Variants in TTN observed in about 807,000 individuals in gnomAD.
TTN encodes the protein titin.
A neutral mutation model predicts 3,223.0 loss-of-function variants in TTN; 1,525 were observed. The observed-to-expected ratio is 0.47, with a 90% CI of 0.45 to 0.49. The LOEUF (loss-of-function observed/expected upper bound fraction) is 0.49, where lower values mean the gene tolerates loss of function less well. Among genes scored for constraint, TTN ranks in the 20% least tolerant of loss-of-function variants. The probability of loss-of-function intolerance (pLI) is 0.00; values close to 1 mark genes in which losing one functional copy is unlikely to be tolerated. For missense variants in TTN, 40,786 were observed against 43,424.0 expected (o/e 0.94, Z 5.40); for synonymous variants, 14,094 against 15,161.0 (o/e 0.93, Z 5.17).
At position 178,601,729 on chromosome 2, in the gene TTN, G is replaced by A. The variant is rs1171368715; in HGVS notation, c.55361C>T (p.Thr18454Ile). Residue 18454 changes from threonine (T) to isoleucine (I), a missense_variant, in exon 286 of 363, where the codon ACA becomes ATA. By Grantham distance (89) the Thr-to-Ile change is moderately conservative. Transcript: ENST00000589042. ...IIIPECKRSHTGKYSITAKNK... is the reference protein window; with the variant it reads ...IIIPECKRSHIGKYSITAKNK... ...CTTGGCTGTGATGCTGTATTTGCCT[G>A]TATGAGATCGTTTACACTCCGGAAT... 1.9e-5 allele frequency: 31 copies of A among 1,609,756 alleles called. No homozygotes were observed. Among genetic ancestry groups the A allele is most frequent in the Non-Finnish European group, 2.5e-5 (30 of 1,178,622 alleles).
chr2:178,683,180 C>A, intron 134 of TTN, 31 bp downstream of exon 134: 2 of 1,417,278 alleles, frequency 1.4e-6, no homozygotes, highest in Middle Eastern at 1.7e-4. Flanking sequence ...TAGTTTCATG[C>A]CTCACATTAC....
Position 178,570,504 on chromosome 2 carries a change from C to A in TTN, c.75628G>T (p.Gly25210Ter). 1 of 1,613,306 alleles carries A rather than the reference C, an allele frequency of 6.2e-7. No homozygotes were observed. The highest frequency in any genetic ancestry group is 8.5e-7 in the Non-Finnish European group (1 of 1,179,594). ...KVLDRPGPPE[G>*]PVVISGVTAE... ...GTAACTCCTGAGATAACAACAGGTCCTTCAGGTGGCCCTGGTCTGTCAAGA... is the reference window on the plus strand; with the variant it reads ...GTAACTCCTGAGATAACAACAGGTCATTCAGGTGGCCCTGGTCTGTCAAGA... The change falls in exon 326 of 363, where the codon GGA becomes TGA. Residue 25210 changes from glycine to a stop codon, truncating the protein, a stop_gained. Transcript: ENST00000589042. LOFTEE classifies it high-confidence loss of function.
At position 178,575,371 on chromosome 2, in the gene TTN, C is replaced by T. The variant is rs190149868; in HGVS notation, c.70761G>A (p.Gly23587=). 3.1e-6 allele frequency: 5 copies of T among 1,613,616 alleles called. No homozygotes were observed. Among genetic ancestry groups the T allele is most frequent in the Non-Finnish European group, 4.2e-6 (5 of 1,179,672 alleles). Residue 23587 remains glycine (G), a synonymous_variant, in exon 326 of 363, where the codon GGG becomes GGA. Transcript: ENST00000589042. This position sits in a 1 kb window ranked among gnomAD's most constrained non-coding sequence, Gnocchi z 4.0. ...TTAGATTCCTCACAACACATTCTAA[C>T]CCTTTCACGGTTGTGATGTGGGTCC... ...DQWTHITTVK[G]LECVVRNLTE...
Position 178,566,308 on chromosome 2 carries a change from T to A in TTN, c.79824A>T (p.Gly26608=), listed in dbSNP as rs1705829315. 4.3e-6 allele frequency: 7 copies of A among 1,613,664 alleles called. No individual in the cohort carries two copies. The highest frequency in any genetic ancestry group is 5.9e-6 in the Non-Finnish European group (7 of 1,179,678). ...LRKGIVVRAG[G]SARIHIPFKG... ...TGAATGGAATGTGAATTCTGGCAGA[T>A]CCACCAGCTCTTACAACAATTCCTT... The change falls in exon 326 of 363, where the codon GGA becomes GGT. Residue 26608 remains glycine (G), a synonymous_variant. Coordinates refer to ENST00000589042, the MANE Select transcript of TTN (RefSeq NM_001267550.2).
intron 47 of TTN, among the ~76,000 whole-genome samples, chr2:178,743,706 C>T (rs2082911168): frequency 6.6e-6 from 1 of 151,902 alleles, no homozygotes; most frequent in Admixed American, 6.6e-5. Flanking sequence ...TTGCCTCAAT[C>T]TGAGTTTCTC....
Position 178,776,363 on chromosome 2 carries a change from T to A in TTN, c.5501A>T (p.Asp1834Val), listed in dbSNP as rs1288771347. The A allele has an allele frequency of 1.9e-6, 3 of 1,613,436 alleles. No individual in the cohort carries two copies. The highest frequency in any genetic ancestry group is 4.5e-5 in the East Asian group (2 of 44,884). ...GTCTGGCTTTTGCTTTTCTTTCTGATCTGTTGTTACACCTGTAAGTGCACC... is the reference window on the plus strand; with the variant it reads ...GTCTGGCTTTTGCTTTTCTTTCTGAACTGTTGTTACACCTGTAAGTGCACC... ...HEGALTGVTTDQKEKQKPDIV... is the reference protein window; with the variant it reads ...HEGALTGVTTVQKEKQKPDIV... Residue 1834 changes from aspartate (D) to valine (V), a missense_variant, in exon 28 of 363, where the codon GAT (aspartate) becomes GTT (valine). By Grantham distance (152) the Asp-to-Val change is radical. Transcript: ENST00000589042.
Position 178,680,280 on chromosome 2 carries a change from C to T in TTN, c.33392G>A (p.Arg11131Lys). 1.9e-6 allele frequency: 3 copies of T among 1,612,110 alleles called. No individual in the cohort carries two copies. The highest frequency in any genetic ancestry group is 2.5e-6 in the Non-Finnish European group (3 of 1,179,104). ...VVAEEKVPVP[R>K]KEVAPPVRVP... ...TCTAACAGGTGGTGCTACTTCTTTT[C>T]TAGGGACAGGTACTTTTTCTTCTGC... Residue 11131 changes from arginine to lysine, a missense_variant, in exon 139 of 363, where the codon AGA becomes AAA. Coordinates refer to ENST00000589042, the MANE Select transcript of TTN (RefSeq NM_001267550.2).
intron 217 of TTN, chr2:178,644,990 C>T (rs1306585244): frequency 4.9e-6 from 1 of 205,048 alleles, no homozygotes; most frequent in African/African-American, 2.4e-5. Flanking sequence ...CCCCTAATGG[C>T]TATGAGGGTT....
chr2:178,573,088 G>A lies in TTN; in HGVS notation c.73044C>T (p.Ile24348=). ...CAGTGATTTCTGAACCACCATCATA[G>A]ATAGGTTTATTCCAAGCGATTGAAA... ...SSISIAWNKP[I]YDGGSEITGY... is the part of the protein sequence containing the mutation. The change falls in exon 326 of 363, where the codon ATC becomes ATT. Residue 24348 remains isoleucine, a synonymous_variant. Transcript: ENST00000589042. 1 of 1,613,260 alleles carries A rather than the reference G, an allele frequency of 6.2e-7. No individual in the cohort carries two copies. The highest frequency in any genetic ancestry group is 8.5e-7 in the Non-Finnish European group (1 of 1,179,550).
rs199576800 is a variant in TTN at position 178,719,276 on chromosome 2, G to A, written c.24114C>T (p.Asn8038=). ...GPKCQSSFSE[N]VCTLNLSLLE... is the part of the protein sequence containing the mutation. ...ACAAGCTCAGATTCAAAGTACAGAC[G>A]TTTTCCGAAAAGCTGGACTGACATT... is the stretch of plus-strand genomic sequence containing the variant. Residue 8038 remains asparagine, a synonymous_variant, in exon 83 of 363, where the codon AAC becomes AAT. Transcript: ENST00000589042. 5.2e-5 allele frequency: 84 copies of A among 1,613,620 alleles called. 1 individual carries two copies. The highest frequency in any genetic ancestry group is 1.6e-4 in the Middle Eastern group (1 of 6,082).
rs749005996 is a variant in TTN at position 178,602,507 on chromosome 2, C to A, written c.54895G>T (p.Asp18299Tyr). 2 of 1,610,072 alleles carry A rather than the reference C, an allele frequency of 1.2e-6. No individual in the cohort carries two copies. The highest frequency in any genetic ancestry group is 1.7e-6 in the Non-Finnish European group (2 of 1,177,960). Reference sequence around the variant, plus strand: ...TATCCTTTGATTGGGCTGCCACCATCTTTGGCTGGAGGTTTCCATCCTAGT... The same window carrying A: ...TATCCTTTGATTGGGCTGCCACCATATTTGGCTGGAGGTTTCCATCCTAGT... ...ISLGWKPPAK[D>Y]GGSPIKGYIV... Residue 18299 changes from aspartate to tyrosine, a missense_variant, in exon 283 of 363, where the codon GAT (aspartate) becomes TAT (tyrosine). Coordinates refer to ENST00000589042, the MANE Select transcript of TTN (RefSeq NM_001267550.2).
intron 265 of TTN, 56 bp from the exon 266 acceptor site, chr2:178,612,632 G>T: frequency 6.4e-7 from 1 of 1,558,222 alleles, no homozygotes. Flanking sequence ...CCAATAGTCA[G>T]TCTGAAAGTG....
Position 178,564,147 on chromosome 2 carries a change from T to C in TTN, c.81985A>G (p.Ile27329Val). The C allele has an allele frequency of 4.3e-6, 7 of 1,613,786 alleles. No homozygotes were observed. The highest frequency in any genetic ancestry group is 5.9e-6 in the Non-Finnish European group (7 of 1,179,754). Residue 27329 changes from isoleucine (I) to valine (V), a missense_variant, in exon 326 of 363, where the codon ATT becomes GTT. Ile to Val is a conservative substitution (Grantham distance 29). Coordinates refer to ENST00000589042, the MANE Select transcript of TTN (RefSeq NM_001267550.2). Reference protein sequence around the residue: ...TAARMEIKSTIQKTTLVVKDC... With the variant: ...TAARMEIKSTVQKTTLVVKDC... ...TTGACAACAAGAGTTGTTTTCTGAA[T>C]AGTAGATTTAATTTCCATTCTAGCA... is the stretch of plus-strand genomic sequence containing the variant.
chr2:178,716,514 T>C (rs2077507917), intron 88 of TTN, among the ~76,000 whole-genome samples: 1 of 152,176 alleles, frequency 6.6e-6, no homozygotes, highest in Non-Finnish European at 1.5e-5. Context: ...GAGTGAACTA[T>C]TTAATTTCTG....
In TTN at chr2:178,563,663, C is replaced by G; in HGVS notation, c.82469G>C (p.Trp27490Ser). 1 of 1,613,744 alleles carries G rather than the reference C, an allele frequency of 6.2e-7. No individual in the cohort carries two copies. Among genetic ancestry groups the G allele is most frequent in the Non-Finnish European group, 8.5e-7 (1 of 1,179,772 alleles). ...ACCTCCGTCGTCTACTGGGCGTGCCCATGTTACTACCATAGAATCTTTGGT... is the reference window on the plus strand; with the variant it reads ...ACCTCCGTCGTCTACTGGGCGTGCCGATGTTACTACCATAGAATCTTTGGT... ...AITKDSMVVT[W>S]ARPVDDGGTE... is the part of the protein sequence containing the mutation. The change falls in exon 326 of 363, where the codon TGG (tryptophan) becomes TCG (serine). Residue 27490 changes from tryptophan (W) to serine (S), a missense_variant. By Grantham distance (177) the Trp-to-Ser change is radical. Coordinates refer to ENST00000589042, the MANE Select transcript of TTN (RefSeq NM_001267550.2). This position sits in a 1 kb window ranked among gnomAD's most constrained non-coding sequence, Gnocchi z 4.5.
At chr2:178,539,295 C>G in intron 352 of TTN, 44 bp from the exon 353 acceptor site, 1 of 1,598,654 alleles carries the variant, frequency 6.3e-7, no homozygotes, top group Non-Finnish European at 8.5e-7. Flanking sequence ...GAATACAGTC[C>G]CAAGTATTAT....
At chr2:178,745,275 C>T (rs1049897881) in intron 47 of TTN, 1 of 1,184,412 alleles carries the variant, frequency 8.4e-7, no homozygotes, top group Non-Finnish European at 1.1e-6. Flanking sequence ...TCCACTGAAA[C>T]ACTTTGTGGA....
intron 78 of TTN, 96 bp downstream of exon 78, chr2:178,721,751 G>T: frequency 1.5e-6 from 2 of 1,327,460 alleles, no homozygotes; most frequent in Non-Finnish European, 2.0e-6. Flanking sequence ...TGTCCAGTTA[G>T]TTTCTCTCAA....
Position 178,650,328 on chromosome 2 carries a change from C to T in TTN, c.39710-57G>A. ...GTATGGAACAATATTCTAAGATGGA[C>T]AAACACTAAACACGATAAATAGTAA... On this transcript the variant is annotated intron_variant, in intron 209 of 362. Transcript: ENST00000589042. 13 of 1,402,068 alleles carry T rather than the reference C, an allele frequency of 9.3e-6. No homozygotes were observed. The South Asian group carries it at 1.6e-4, about 17-fold the overall frequency. 86.9% of individuals were successfully genotyped at this position (1,402,068 alleles called of 1,614,324 possible).
Sources: allele counts gnomAD v4.1 joint callset (sites outside exome capture counted in the v4.1 genomes callset), GRCh38; gene constraint gnomAD v4.1.1; non-coding constraint Gnocchi (gnomAD v3.1); transcripts MANE v1.5; gene names NCBI Gene and HGNC (gene_info 2026-07-23, HGNC 2026-07-21).